DTNB: variants seen among roughly 807,000 people sequenced by gnomAD.
DTNB encodes dystrobrevin beta, also known as DTN-B.
DTNB carries 63 observed loss-of-function variants against 90.7 expected under a neutral mutation model. That is an observed-to-expected ratio of 0.69 (90% CI 0.57 to 0.86). The LOEUF (loss-of-function observed/expected upper bound fraction) is 0.86. Among genes scored for constraint, DTNB ranks in the 40% least tolerant of loss-of-function variants. The probability of loss-of-function intolerance (pLI) is 0.00; values close to 1 mark genes in which losing one functional copy is unlikely to be tolerated. For missense variants in DTNB, 744 were observed against 807.1 expected (o/e 0.92, Z 0.95); for synonymous variants, 277 against 286.7 (o/e 0.97, Z 0.34).
chr2:25,543,569 G>T (rs778394199), intron 8 of DTNB, among the ~76,000 whole-genome samples: 2 of 152,096 alleles, frequency 1.3e-5, no homozygotes, highest in South Asian at 4.1e-4. Flanking sequence ...CACCTAAAGT[G>T]CTGGGATTAT....
intron 9 of DTNB, among the ~76,000 whole-genome samples, chr2:25,530,330 G>C (rs1300121251): frequency 6.6e-6 from 1 of 152,156 alleles, no homozygotes; most frequent in African/African-American, 2.4e-5. Context: ...CCAGCTACTT[G>C]TGAGGCTGAA....
intron 12 of DTNB, among the ~76,000 whole-genome samples, chr2:25,436,671 A>C (rs1469551903): frequency 6.6e-6 from 1 of 152,004 alleles, no homozygotes; most frequent in Non-Finnish European, 1.5e-5. Flanking sequence ...TTCTTCCTCC[A>C]GAGAAGCATG....
intron 1 of DTNB, chr2:25,672,991 G>C (rs2086421365): frequency 6.6e-6 from 1 of 152,092 alleles, no homozygotes. Flanking sequence ...CGCCTCACCT[G>C]CCCTCTGCCA....
intron 16 of DTNB, among the ~76,000 whole-genome samples, chr2:25,401,772 G>GC (rs1337546036): frequency 1.3e-5 from 2 of 152,148 alleles, no homozygotes; most frequent in African/African-American, 4.8e-5. Flanking sequence ...ACACGCACAC[G>GC]CAACTACAAC....
At chr2:25,556,746 CT>C (rs1257311138) in intron 8 of DTNB, among the ~76,000 whole-genome samples, 1 of 151,974 alleles carries the variant, frequency 6.6e-6, no homozygotes, top group Non-Finnish European at 1.5e-5. Context: ...GATACCTGAG[CT>C]AATTAAAGGA....
At chr2:25,482,187 G>T (rs999114301) in intron 10 of DTNB, among the ~76,000 whole-genome samples, 2 of 152,122 alleles carry the variant, frequency 1.3e-5, no homozygotes, top group African/African-American at 4.8e-5. Flanking sequence ...ATTTTATATA[G>T]TTCTTTTAAG....
chr2:25,471,588 G>C (rs1167572409), intron 10 of DTNB, among the ~76,000 whole-genome samples: 1 of 152,024 alleles, frequency 6.6e-6, no homozygotes, highest in African/African-American at 2.4e-5. Context: ...TTGAGACAGG[G>C]TTTCGCTATG....
intron 15 of DTNB, among the ~76,000 whole-genome samples, chr2:25,422,410 T>C: frequency 7.3e-6 from 1 of 137,464 alleles, no homozygotes; most frequent in Non-Finnish European, 1.6e-5. Flanking sequence ...TTTTTTTTTT[T>C]TTTTTTTTTT....
intron 8 of DTNB, among the ~76,000 whole-genome samples, chr2:25,536,267 C>A (rs1465587854): frequency 5.3e-5 from 8 of 152,194 alleles, no homozygotes; most frequent in African/African-American, 1.9e-4. Flanking sequence ...CAATGGGCGG[C>A]CAGGCAGAGA....
At chr2:25,647,948 C>T (rs2079887854) in intron 2 of DTNB, among the ~76,000 whole-genome samples, 1 of 151,890 alleles carries the variant, frequency 6.6e-6, no homozygotes, top group Non-Finnish European at 1.5e-5. Context: ...AACAGAATTG[C>T]CTAAATAGGA....
intron 9 of DTNB, among the ~76,000 whole-genome samples, chr2:25,522,689 G>A (rs1193027880): frequency 6.7e-6 from 1 of 149,974 alleles, no homozygotes; most frequent in African/African-American, 2.5e-5. Flanking sequence ...TTACAGAAAG[G>A]CAAACTGAGG....
intron 15 of DTNB, among the ~76,000 whole-genome samples, chr2:25,420,101 A>C (rs1471071619): frequency 6.6e-6 from 1 of 152,028 alleles, no homozygotes; most frequent in Admixed American, 6.6e-5. Context: ...CAATGCGTTC[A>C]ATCTTGTCTC....
intron 1 of DTNB, among the ~76,000 whole-genome samples, chr2:25,662,651 T>TACAC (rs371062484): frequency 0.1 from 12,904 of 129,042 alleles, 1,116 homozygotes; most frequent in African/African-American, 0.22. Context: ...AATATACAAA[T>TACAC]ACACACACAC....
intron 5 of DTNB, among the ~76,000 whole-genome samples, chr2:25,599,729 A>C (rs1411463105): frequency 6.6e-6 from 1 of 152,144 alleles, no homozygotes; most frequent in Non-Finnish European, 1.5e-5. Flanking sequence ...AGAACTTTGA[A>C]AATGTTACCA....
Position 25,659,834 on chromosome 2 carries a change from A to G in DTNB, c.-1-7173T>C, listed in dbSNP as rs534373303. 3.9e-5 allele frequency among the ~76,000 whole-genome samples: 6 copies of G among 152,312 alleles called. No homozygotes were observed. In the South Asian group the frequency reaches 1.2e-3, roughly 32 times the overall value. ...CTTCCAGAAAACAAAAGACAAGGAA[A>G]CACTTACCTACTCATTTTGTAGCCA... is the stretch of plus-strand genomic sequence containing the variant. On this transcript the variant is annotated intron_variant, in intron 1 of 20. Transcript: ENST00000406818.
At chr2:25,476,442 T>C (rs1408859216) in intron 10 of DTNB, among the ~76,000 whole-genome samples, 1 of 152,208 alleles carries the variant, frequency 6.6e-6, no homozygotes, top group East Asian at 1.9e-4. Context: ...ATAGAGTGGT[T>C]CCTCTGATGG....
intron 4 of DTNB, among the ~76,000 whole-genome samples, chr2:25,614,725 T>C (rs2148590112): frequency 6.6e-6 from 1 of 152,328 alleles, no homozygotes; most frequent in African/African-American, 2.4e-5. Flanking sequence ...AGAATCCCGT[T>C]GCGATTCAAT....
chr2:25,635,254 G>T (rs989660417), intron 3 of DTNB, among the ~76,000 whole-genome samples: 1 of 151,786 alleles, frequency 6.6e-6, no homozygotes, highest in Non-Finnish European at 1.5e-5. Flanking sequence ...ACAACATGGC[G>T]AAACTGTCTC....
At chr2:25,383,140 A>G (rs190386050) in intron 19 of DTNB, among the ~76,000 whole-genome samples, 71 of 150,810 alleles carry the variant, frequency 4.7e-4, no homozygotes, top group African/African-American at 1.6e-3. Context: ...CCCTTATTAT[A>G]CTTATATGCT....
Sources: allele counts gnomAD v4.1 joint callset (sites outside exome capture counted in the v4.1 genomes callset), GRCh38; gene constraint gnomAD v4.1.1; transcripts MANE v1.5; gene names NCBI Gene and HGNC (gene_info 2026-07-23, HGNC 2026-07-21).